Variants in C6 observed in about 807,000 individuals in gnomAD.
C6 encodes complement C6.
A neutral mutation model predicts 112.9 loss-of-function variants in C6; 101 were observed. That is an observed-to-expected ratio of 0.89 (90% CI 0.76 to 1.06). The LOEUF (loss-of-function observed/expected upper bound fraction) is 1.06, where lower values mean the gene tolerates loss of function less well. Among genes scored for constraint, C6 ranks in the 50% least tolerant of loss-of-function variants. The probability of loss-of-function intolerance (pLI) is 0.00; values close to 1 mark genes in which losing one functional copy is unlikely to be tolerated. For missense variants in C6, 1,202 were observed against 1,104.6 expected (o/e 1.09, Z -1.25); for synonymous variants, 431 against 384.1 (o/e 1.12, Z -1.43).
chr5:41,205,841 G>A (rs1350927000), intron 1 of C6, among the ~76,000 whole-genome samples: 3 of 152,212 alleles, frequency 2.0e-5, no homozygotes, highest in African/African-American at 7.2e-5. Flanking sequence ...AGACTTCAAC[G>A]TCCCTGTCTG....
chr5:41,230,337 A>G (rs1420835549), intron 1 of C6, among the ~76,000 whole-genome samples: 1 of 152,110 alleles, frequency 6.6e-6, no homozygotes, highest in Non-Finnish European at 1.5e-5. Context: ...ATATCAGTGA[A>G]TTCTTTTCCC....
chr5:41,207,578 C>G (rs1017797366), intron 1 of C6, among the ~76,000 whole-genome samples: 6 of 152,130 alleles, frequency 3.9e-5, no homozygotes, highest in Non-Finnish European at 8.8e-5. Flanking sequence ...TGTTGCGATC[C>G]TAGTCTCTGA....
rs530594382 is a variant in C6 at position 41,199,891 on chromosome 5, G to A, written c.322C>T (p.Arg108Cys). Residue 108 changes from arginine (R) to cysteine (C), a missense_variant, in exon 4 of 18, where the codon CGT becomes TGT. Transcript: ENST00000337836. ...GGCTGTCCCCCAAACTGACTGGGACGCAAGACAGATCTAACTTTAGACTGA... is the reference window on the plus strand; with the variant it reads ...GGCTGTCCCCCAAACTGACTGGGACACAAGACAGATCTAACTTTAGACTGA... ...EKQSKVRSVL[R>C]PSQFGGQPCT... The A allele has an allele frequency of 3.1e-5, 50 of 1,613,488 alleles. No individual in the cohort carries two copies. Among genetic ancestry groups the A allele is most frequent in the Non-Finnish European group, 3.9e-5 (46 of 1,179,704 alleles).
chr5:41,152,499 G>C (rs1746501916), intron 15 of C6, among the ~76,000 whole-genome samples: 1 of 152,126 alleles, frequency 6.6e-6, no homozygotes, highest in East Asian at 1.9e-4. Flanking sequence ...AGGACTGGAG[G>C]CTCAGCTCAC....
intron 1 of C6, among the ~76,000 whole-genome samples, chr5:41,240,097 C>T (rs1344646854): frequency 6.6e-6 from 1 of 152,090 alleles, no homozygotes. Context: ...TTTGAGCTTC[C>T]TGTATCTGGA....
upstream of C6, among the ~76,000 whole-genome samples, chr5:41,214,629 T>A (rs991245130): frequency 2.6e-5 from 4 of 152,182 alleles, no homozygotes; most frequent in Non-Finnish European, 5.9e-5. Context: ...CACCCTTGAT[T>A]ACCTGAGAAG....
At chr5:41,202,568 A>G (rs1220610936) in intron 2 of C6, among the ~76,000 whole-genome samples, 6 of 152,226 alleles carry the variant, frequency 3.9e-5, no homozygotes, top group African/African-American at 1.4e-4. Flanking sequence ...CATGGTACAG[A>G]AACATTTAAC....
intron 15 of C6, among the ~76,000 whole-genome samples, chr5:41,151,078 A>C (rs1011668016): frequency 6.6e-6 from 1 of 152,090 alleles, no homozygotes; most frequent in African/African-American, 2.4e-5. Flanking sequence ...ACAGTCTCTG[A>C]TAGGTTTTAA....
At chr5:41,159,590 C>A in intron 11 of C6, 2 of 309,566 alleles carry the variant, frequency 6.5e-6, no homozygotes, top group Non-Finnish European at 9.4e-6. Context: ...ATCTTCTTAA[C>A]AGAATGCATA....
At chr5:41,218,993 C>A (rs571807579) in intron 1 of C6, among the ~76,000 whole-genome samples, 1 of 152,104 alleles carries the variant, frequency 6.6e-6, no homozygotes, top group East Asian at 1.9e-4. Flanking sequence ...AGGAAGTTAT[C>A]CTAACTAGGA....
intron 1 of C6, among the ~76,000 whole-genome samples, chr5:41,218,868 G>C (rs1482315453): frequency 6.6e-6 from 1 of 152,196 alleles, no homozygotes; most frequent in Non-Finnish European, 1.5e-5. Context: ...TGTGGCCTTA[G>C]AGAATATAAA....
chr5:41,149,296 G>A lies in C6; in HGVS notation c.2568C>T (p.Ser856=), dbSNP rs1359801395. The change falls in exon 17 of 18, where the codon AGC becomes AGT. Residue 856 remains serine (S), a synonymous_variant. Coordinates refer to ENST00000337836, the MANE Select transcript of C6 (RefSeq NM_000065.5). The part of the protein sequence containing the change: ...GLERTRLSSN[S]TKKESCGYDT... ...CATAGCCACAGGATTCTTTCTTTGT[G>A]CTGTTGGATGAAAGTCTTGTCCTTT... 1 of 1,613,988 alleles carries A rather than the reference G, an allele frequency of 6.2e-7. No individual in the cohort carries two copies. The highest frequency in any genetic ancestry group is 1.7e-5 in the Admixed American group (1 of 60,000).
intron 13 of C6, 113 bp downstream of exon 13, chr5:41,158,561 A>G: frequency 1.4e-6 from 1 of 716,426 alleles, no homozygotes; most frequent in South Asian, 1.5e-5. Context: ...TTGTACTTTT[A>G]AAGTCAATAG....
intron 9 of C6, among the ~76,000 whole-genome samples, chr5:41,166,710 TGAGTACGTCTAG>T (rs1748006960): frequency 6.6e-6 from 1 of 152,116 alleles, no homozygotes; most frequent in Non-Finnish European, 1.5e-5. Context: ...CAGGTTGCAG[TGAGTACGTCTAG>T]GAGGGCACCT....
intron 1 of C6, among the ~76,000 whole-genome samples, chr5:41,239,606 C>T (rs1014556616): frequency 3.3e-5 from 5 of 152,050 alleles, no homozygotes; most frequent in African/African-American, 1.2e-4. Flanking sequence ...CATCCCCCAC[C>T]CCTCAAAACA....
chr5:41,159,951 G>T (rs931976567), intron 11 of C6, among the ~76,000 whole-genome samples, 191 bp downstream of exon 11: 14 of 152,112 alleles, frequency 9.2e-5, no homozygotes, highest in Non-Finnish European at 1.5e-4. Flanking sequence ...GGGAAGCTGG[G>T]TAACTTTCCC....
chr5:41,157,204 A>T (rs1746996997), intron 13 of C6, among the ~76,000 whole-genome samples: 1 of 152,226 alleles, frequency 6.6e-6, no homozygotes, highest in Admixed American at 6.5e-5. Context: ...AAATGAATTT[A>T]TCCATGAAAA....
chr5:41,256,913 G>A (rs79120421), intron 1 of C6, among the ~76,000 whole-genome samples: 1,531 of 152,258 alleles, frequency 0.01, 33 homozygotes, highest in African/African-American at 0.035. Context: ...GTCCAATGAG[G>A]TGTGTTTTGT....
At chr5:41,232,702 C>T (rs1471678654) in intron 1 of C6, among the ~76,000 whole-genome samples, 1 of 152,038 alleles carries the variant, frequency 6.6e-6, no homozygotes, top group Non-Finnish European at 1.5e-5. Context: ...TCATTACCCT[C>T]TCTTGATTAA....
Sources: gnomAD v4.1 joint callset for allele counts (sites outside exome capture counted in the v4.1 genomes callset) on GRCh38, gnomAD v4.1.1 for gene constraint, MANE v1.5 for transcripts, NCBI Gene and HGNC (gene_info 2026-07-23, HGNC 2026-07-21) for gene names.